Variants in TEX29 observed in about 807,000 individuals in gnomAD.
TEX29 encodes testis-expressed protein 29.
A neutral mutation model predicts 18.2 loss-of-function variants in TEX29; 26 were observed. The observed-to-expected ratio is 1.43, with a 90% CI of 1.04 to 1.98. The LOEUF (loss-of-function observed/expected upper bound fraction) is 1.98. Among genes scored for constraint, TEX29 ranks in the 30% most tolerant of loss-of-function variants. TEX29 has a pLI of 0.00. For synonymous variants in TEX29, 83 were observed against 78.5 expected, an observed-to-expected ratio of 1.06 and a Z score of -0.31; for missense variants, 177 against 194.2, an observed-to-expected ratio of 0.91 and a Z score of 0.53.
At chr13:111,338,815 C>A (rs1287512202) in intron 3 of TEX29, among the ~76,000 whole-genome samples, 2 of 152,170 alleles carry the variant, frequency 1.3e-5, no homozygotes. Context: ...ATCAACCTGA[C>A]GGAAGGAACA....
intron 3 of TEX29, among the ~76,000 whole-genome samples, chr13:111,328,648 G>A (rs868558452): frequency 1.3e-5 from 2 of 152,342 alleles, no homozygotes; most frequent in Non-Finnish European, 2.9e-5. Context: ...ATGGGGCGCC[G>A]GCAGGGCCCG....
intron 3 of TEX29, among the ~76,000 whole-genome samples, chr13:111,336,710 G>T (rs1490487435): frequency 6.6e-6 from 1 of 152,180 alleles, no homozygotes; most frequent in African/African-American, 2.4e-5. Flanking sequence ...GTTTCTTAAA[G>T]AAAATAATCC....
At chr13:111,340,019 C>T (rs569760583) in intron 4 of TEX29, 87 bp downstream of exon 4, 46 of 1,305,176 alleles carry the variant, frequency 3.5e-5, no homozygotes, top group Admixed American at 2.2e-4. Flanking sequence ...TGGGCTCCTT[C>T]GGGCTTGGTG....
intron 3 of TEX29, among the ~76,000 whole-genome samples, chr13:111,331,813 T>C (rs2093683151): frequency 6.6e-6 from 1 of 152,222 alleles, no homozygotes; most frequent in African/African-American, 2.4e-5. Context: ...GTTGAGAAGA[T>C]TCTTTTTCCC....
chr13:111,331,738 G>C (rs2093683022), intron 3 of TEX29, among the ~76,000 whole-genome samples: 2 of 152,028 alleles, frequency 1.3e-5, no homozygotes, highest in Non-Finnish European at 2.9e-5. Flanking sequence ...TTTTGTATCT[G>C]GTGCAAGGAA....
chr13:111,327,907 G>A (rs1000649798), intron 2 of TEX29, among the ~76,000 whole-genome samples: 1 of 152,262 alleles, frequency 6.6e-6, no homozygotes, highest in African/African-American at 2.4e-5. Flanking sequence ...GTCGTGCGCC[G>A]TGCCTGGCGC....
At position 111,343,171 on chromosome 13, in the gene TEX29, T is replaced by G. The variant is rs374034878; in HGVS notation, c.415+240T>G. ...CTTGTCCTCCCCCTTCCCATCCCCT[T>G]TTGCCTCCCTGTCATTTCACCCTCT... On this transcript the variant is annotated intron_variant, in intron 5 of 5. Transcript: ENST00000283547. Among the ~76,000 whole-genome samples the G allele has an allele frequency of 7.5e-3, 1,139 of 152,304 alleles. 13 individuals are homozygous for G. The highest frequency in any genetic ancestry group is 0.02 in the Middle Eastern group (6 of 294).
intron 2 of TEX29, among the ~76,000 whole-genome samples, chr13:111,324,504 G>A (rs2093669590): frequency 6.6e-6 from 1 of 152,226 alleles, no homozygotes; most frequent in Admixed American, 6.5e-5. Context: ...CGGGAAACGA[G>A]GTGGCAGAGG....
chr13:111,323,914 G>C (rs2093668736), intron 2 of TEX29, among the ~76,000 whole-genome samples: 1 of 152,230 alleles, frequency 6.6e-6, no homozygotes, highest in Admixed American at 6.5e-5. Flanking sequence ...AACTCCGGGA[G>C]AACTGGTGTC....
chr13:111,330,129 G>GA (rs68031323), intron 3 of TEX29, among the ~76,000 whole-genome samples: 150 of 151,336 alleles, frequency 9.9e-4, no homozygotes, highest in African/African-American at 3.2e-3. Flanking sequence ...AGAGAAAAAG[G>GA]AAAAAAAAAG....
intron 3 of TEX29, among the ~76,000 whole-genome samples, chr13:111,337,883 C>T (rs9560047): frequency 0.3 from 46,093 of 152,016 alleles, 8,086 homozygotes; most frequent in East Asian, 0.77. Context: ...TCTTATCGAG[C>T]GCCCATTGGG....
chr13:111,325,501 C>T (rs530673150), intron 2 of TEX29, among the ~76,000 whole-genome samples: 10 of 152,358 alleles, frequency 6.6e-5, no homozygotes, highest in East Asian at 1.9e-4. Flanking sequence ...AAGCCCACCT[C>T]GGCCCCCTTG....
At chr13:111,339,121 G>A (rs992089519) in intron 3 of TEX29, among the ~76,000 whole-genome samples, 4 of 152,206 alleles carry the variant, frequency 2.6e-5, no homozygotes, top group African/African-American at 9.7e-5. Context: ...CTCACGCAGG[G>A]AAACCCAGGG....
chr13:111,318,431 A>G (rs193302422), upstream of TEX29, among the ~76,000 whole-genome samples: 105 of 152,302 alleles, frequency 6.9e-4, no homozygotes, highest in Non-Finnish European at 1.1e-3. Flanking sequence ...AGCTGAGTCC[A>G]TGCTGGCTGC....
At chr13:111,336,786 T>C (rs1437251854) in intron 3 of TEX29, among the ~76,000 whole-genome samples, 1 of 152,254 alleles carries the variant, frequency 6.6e-6, no homozygotes, top group African/African-American at 2.4e-5. Context: ...GCCAAAGATA[T>C]GGTCTGTAAT....
At chr13:111,328,336 G>A in intron 3 of TEX29, 43 bp downstream of exon 3, 1 of 1,427,348 alleles carries the variant, frequency 7.0e-7, no homozygotes, top group Non-Finnish European at 9.9e-7. Flanking sequence ...AGCCGAGGTA[G>A]CTGGTGACCA....
At chr13:111,319,701 C>T (rs1363042578), upstream of TEX29, among the ~76,000 whole-genome samples, 2 of 152,180 alleles carry the variant, frequency 1.3e-5, no homozygotes, top group Non-Finnish European at 1.5e-5. Flanking sequence ...AATCACAGCT[C>T]ACCGCAACCT....
upstream of TEX29, among the ~76,000 whole-genome samples, chr13:111,318,185 A>G (rs146475797): frequency 9.1e-4 from 139 of 152,202 alleles, no homozygotes; most frequent in African/African-American, 3.3e-3. Flanking sequence ...GCTTTGCTCA[A>G]GTTGTTAGCC....
intron 3 of TEX29, 66 bp from the exon 4 acceptor site, chr13:111,339,797 T>G: frequency 2.6e-6 from 4 of 1,561,218 alleles, no homozygotes; most frequent in Non-Finnish European, 2.6e-6. Context: ...AGGGTTGCCT[T>G]TTCTTCATCT....
Sources: gnomAD v4.1 joint callset for allele counts (sites outside exome capture counted in the v4.1 genomes callset) on GRCh38, gnomAD v4.1.1 for gene constraint, MANE v1.5 for transcripts, NCBI Gene and HGNC (gene_info 2026-07-23, HGNC 2026-07-21) for gene names.